Variants in ARHGAP10 observed in about 807,000 individuals in gnomAD.
ARHGAP10 encodes rho GTPase-activating protein 10.
Under a neutral mutation model 108.6 loss-of-function variants are expected in ARHGAP10, and 87 were observed. The ratio of observed to expected loss-of-function variants is 0.80; its 90% confidence interval spans 0.67 to 0.96. The LOEUF (loss-of-function observed/expected upper bound fraction) is 0.96, where lower values mean the gene tolerates loss of function less well. ARHGAP10 is among the 40% of genes least tolerant of loss of function. The probability of loss-of-function intolerance (pLI) is 0.00; values close to 1 mark genes in which losing one functional copy is unlikely to be tolerated. For synonymous variants in ARHGAP10, 347 were observed against 341.1 expected (o/e 1.02, Z -0.19); for missense variants, 939 against 954.5 (o/e 0.98, Z 0.21).
intron 11 of ARHGAP10, among the ~76,000 whole-genome samples, chr4:147,908,072 G>T (rs1460870603): frequency 6.6e-6 from 1 of 152,150 alleles, no homozygotes; most frequent in Non-Finnish European, 1.5e-5. Context: ...TTGAACTCCT[G>T]ACCTCAAACG....
intron 13 of ARHGAP10, among the ~76,000 whole-genome samples, chr4:147,928,806 T>G (rs948941238): frequency 3.9e-5 from 6 of 152,268 alleles, no homozygotes; most frequent in South Asian, 2.1e-4. Context: ...ATTTTGAAAT[T>G]AATTTTGAGT....
chr4:147,906,644 C>T lies in ARHGAP10; in HGVS notation c.1041C>T (p.Gly347=), dbSNP rs61748165. The T allele has an allele frequency of 6.9e-3, 11,180 of 1,613,932 alleles. 59 individuals are homozygous for T. Among genetic ancestry groups the T allele is most frequent in the Non-Finnish European group, 8.4e-3 (9,928 of 1,179,950 alleles). Residue 347 remains glycine, a synonymous_variant, in exon 11 of 23, where the codon GGC becomes GGT. Transcript: ENST00000336498. The part of the protein sequence containing the change: ...CFDIEAADRP[G]VSLTMQAFSE... ...TGTTACTGGTGTCTTTCAGGCCTGG[C>T]GTTTCCTTGACCATGCAGGCATTTT...
Position 147,732,271 on chromosome 4 carries a change from C to T in ARHGAP10, c.-31C>T. 6.5e-7 allele frequency: 1 copy of T among 1,549,026 alleles called. No homozygotes were observed. On this transcript the variant is annotated 5_prime_UTR_variant, in exon 1 of 23. Transcript: ENST00000336498. The stretch of plus-strand genomic sequence containing the variant: ...GCTCGGCTCGGGCAGGAGCGCGCGG[C>T]CGTGCGCACCGCGCAGCGACCGCTG...
chr4:148,069,779 T>C (rs1375364439), intron 22 of ARHGAP10, among the ~76,000 whole-genome samples: 1 of 152,182 alleles, frequency 6.6e-6, no homozygotes, highest in African/African-American at 2.4e-5. Context: ...GAGTCTCCTC[T>C]AGGGCTCTGA....
At chr4:147,920,068 C>A (rs1316500518) in intron 13 of ARHGAP10, among the ~76,000 whole-genome samples, 1 of 152,030 alleles carries the variant, frequency 6.6e-6, no homozygotes, top group Non-Finnish European at 1.5e-5. Context: ...TTGTTATCTT[C>A]ATGTTGATAG....
chr4:148,061,613 GT>G (rs35503875), intron 20 of ARHGAP10, among the ~76,000 whole-genome samples: 81,142 of 149,284 alleles, frequency 0.54, 23,097 homozygotes, highest in East Asian at 0.83. Context: ...GAAGAATAAT[GT>G]TTTTTTTTTT....
chr4:148,023,430 A>AT lies in ARHGAP10; in HGVS notation c.1867+23dup. 6.2e-7 allele frequency: 1 copy of AT among 1,606,764 alleles called. No homozygotes were observed. The highest frequency in any genetic ancestry group is 1.1e-5 in the South Asian group (1 of 90,364). Reference sequence around the variant, plus strand: ...TGGAAGATGGTAAGATGTTAATGATATTTTTTGCTTGATAGCATGTTGAGA... The same window carrying AT: ...TGGAAGATGGTAAGATGTTAATGATATTTTTTTGCTTGATAGCATGTTGAGA... On this transcript the variant is annotated intron_variant, in intron 19 of 22. Coordinates refer to ENST00000336498, the MANE Select transcript of ARHGAP10 (RefSeq NM_024605.4).
At chr4:147,791,199 T>G (rs974402375) in intron 1 of ARHGAP10, among the ~76,000 whole-genome samples, 13 of 151,224 alleles carry the variant, frequency 8.6e-5, no homozygotes, top group African/African-American at 3.2e-4. Flanking sequence ...GCAGCCTCTG[T>G]GTCCCAGGTT....
At chr4:147,902,621 A>T (rs1736296040) in intron 10 of ARHGAP10, among the ~76,000 whole-genome samples, 1 of 152,238 alleles carries the variant, frequency 6.6e-6, no homozygotes, top group Admixed American at 6.5e-5. Flanking sequence ...GTGCACCTGT[A>T]GTCCCAGTTA....
chr4:147,791,901 A>C (rs1230551514), intron 1 of ARHGAP10, among the ~76,000 whole-genome samples: 2 of 152,174 alleles, frequency 1.3e-5, no homozygotes, highest in Non-Finnish European at 2.9e-5. Flanking sequence ...ACAGTGTCTT[A>C]GTCTGTTCTG....
chr4:148,072,112 G>A lies in ARHGAP10; in HGVS notation c.*31G>A. The A allele has an allele frequency of 6.3e-7, 1 of 1,594,330 alleles. No homozygotes were observed. Among genetic ancestry groups the A allele is most frequent in the Non-Finnish European group, 8.5e-7 (1 of 1,169,830 alleles). On this transcript the variant is annotated 3_prime_UTR_variant, in exon 23 of 23. Coordinates refer to ENST00000336498, the MANE Select transcript of ARHGAP10 (RefSeq NM_024605.4). ...GGCCTCAGAGCCCCTGCTGACCCTG[G>A]CACCCAGGGACCTGCCTGGGGGCAG...
At chr4:148,045,019 G>GT (rs1329964720) in intron 19 of ARHGAP10, among the ~76,000 whole-genome samples, 1 of 152,170 alleles carries the variant, frequency 6.6e-6, no homozygotes, top group African/African-American at 2.4e-5. Context: ...GAACTGCCCT[G>GT]TGGAGATACG....
At chr4:147,790,916 C>T (rs770620553) in intron 1 of ARHGAP10, among the ~76,000 whole-genome samples, 37 of 152,022 alleles carry the variant, frequency 2.4e-4, no homozygotes, top group Non-Finnish European at 5.3e-4. Context: ...GTTGAAGGCT[C>T]CTGTGACCCC....
intron 20 of ARHGAP10, among the ~76,000 whole-genome samples, chr4:148,054,146 G>T (rs757294922): frequency 7.9e-5 from 12 of 152,316 alleles, no homozygotes; most frequent in Admixed American, 1.3e-4. Context: ...TAAATTGGCT[G>T]TGTCTCAATA....
At chr4:148,043,649 A>T (rs1313135400) in intron 19 of ARHGAP10, among the ~76,000 whole-genome samples, 1 of 114,516 alleles carries the variant, frequency 8.7e-6, no homozygotes, top group Non-Finnish European at 1.8e-5. Flanking sequence ...ATATATATAT[A>T]TATTTTAGGT....
intron 3 of ARHGAP10, among the ~76,000 whole-genome samples, chr4:147,834,464 C>G (rs1307122347): frequency 6.6e-6 from 1 of 151,942 alleles, no homozygotes; most frequent in East Asian, 1.9e-4. Flanking sequence ...GAGTGAGACC[C>G]CATCTCAAAA....
chr4:147,891,959 C>G (rs1028992911), intron 10 of ARHGAP10, among the ~76,000 whole-genome samples: 108 of 152,258 alleles, frequency 7.1e-4, no homozygotes, highest in African/African-American at 2.3e-3. Context: ...TGCTGTGACC[C>G]CCCCACACAT....
Position 147,906,908 on chromosome 4 carries a change from G to A in ARHGAP10, c.1116+189G>A, listed in dbSNP as rs77276930. 3.4e-4 allele frequency among the ~76,000 whole-genome samples: 52 copies of A among 152,292 alleles called. 1 individual carries two copies. The East Asian group carries it at 8.3e-3, about 24-fold the overall frequency. ...AAGCAGCAGTACATATAAGACTAGT[G>A]TATCATTAGTTTTTATTTCTGTATT... On this transcript the variant is annotated intron_variant, in intron 11 of 22. Coordinates refer to ENST00000336498, the MANE Select transcript of ARHGAP10 (RefSeq NM_024605.4).
At chr4:147,846,391 TC>T (rs1733627241) in intron 3 of ARHGAP10, among the ~76,000 whole-genome samples, 2 of 152,346 alleles carry the variant, frequency 1.3e-5, no homozygotes, top group South Asian at 4.1e-4. Flanking sequence ...ATTTCTGGTC[TC>T]CTGGAAGCAG....
Sources: allele counts gnomAD v4.1 joint callset (sites outside exome capture counted in the v4.1 genomes callset), GRCh38; gene constraint gnomAD v4.1.1; transcripts MANE v1.5; gene names NCBI Gene and HGNC (gene_info 2026-07-23, HGNC 2026-07-21).